The following SLC38A4 variants were observed in gnomAD, a reference collection of about 807,000 sequenced individuals.
SLC38A4 encodes the protein sodium-coupled neutral amino acid transporter 4.
Under a neutral mutation model 63.1 loss-of-function variants are expected in SLC38A4, and 20 were observed. That is an observed-to-expected ratio of 0.32 (90% CI 0.22 to 0.46). The LOEUF (loss-of-function observed/expected upper bound fraction) is 0.46. SLC38A4 is among the 20% of genes least tolerant of loss of function. The pLI is 1.00. For missense variants in SLC38A4, 526 were observed against 663.6 expected, an observed-to-expected ratio of 0.79 and a Z score of 2.28; for synonymous variants, 230 against 225.5, an observed-to-expected ratio of 1.02 and a Z score of -0.18.
intron 1 of SLC38A4, among the ~76,000 whole-genome samples, chr12:46,831,829 C>G (rs1437702663): frequency 2.0e-5 from 3 of 148,908 alleles, no homozygotes; most frequent in Admixed American, 2.0e-4. Context: ...GGAGCCAGCT[C>G]CCGCGGGGGA....
intron 3 of SLC38A4, among the ~76,000 whole-genome samples, chr12:46,791,672 C>T (rs1337561577): frequency 6.6e-6 from 1 of 152,180 alleles, no homozygotes; most frequent in African/African-American, 2.4e-5. Context: ...ATTGTGCACT[C>T]ACTATGCACC....
intron 1 of SLC38A4, among the ~76,000 whole-genome samples, chr12:46,819,852 C>A (rs1261911720): frequency 6.6e-6 from 1 of 151,854 alleles, no homozygotes; most frequent in Non-Finnish European, 1.5e-5. Flanking sequence ...AAAGAAGATA[C>A]TACAAATTCT....
At chr12:46,827,725 A>T (rs191450735), upstream of SLC38A4, among the ~76,000 whole-genome samples, 328 of 152,272 alleles carry the variant, frequency 2.2e-3, 1 homozygote, top group Non-Finnish European at 3.4e-3. Flanking sequence ...TGTAAATTTT[A>T]TCTATGCTAA....
At chr12:46,800,362 A>G (rs74086115) in intron 2 of SLC38A4, among the ~76,000 whole-genome samples, 1,555 of 152,176 alleles carry the variant, frequency 0.01, 24 homozygotes, top group African/African-American at 0.035. Context: ...AGGTCTATAT[A>G]CTTTGACCCA....
At chr12:46,794,020 T>C (rs1271340855) in intron 2 of SLC38A4, among the ~76,000 whole-genome samples, 1 of 152,162 alleles carries the variant, frequency 6.6e-6, no homozygotes, top group East Asian at 1.9e-4. Context: ...TCTGAAATTC[T>C]TACCATTAGA....
chr12:46,779,951 A>C lies in SLC38A4; in HGVS notation c.573T>G (p.Thr191=). 1 of 1,611,864 alleles carries C rather than the reference A, an allele frequency of 6.2e-7. No homozygotes were observed. The highest frequency in any genetic ancestry group is 1.1e-5 in the South Asian group (1 of 91,030). ...IRAFMGLEEN[T]GEWYLNGNYL... ...CACAGAGGGAGCATAAGACATACCCAGTATTTTCTTCAAGTCCCATGAATG... is the reference window on the plus strand; with the variant it reads ...CACAGAGGGAGCATAAGACATACCCCGTATTTTCTTCAAGTCCCATGAATG... Residue 191 remains threonine (T), a splice_region_variant and synonymous_variant, in exon 8 of 17, where the codon ACT becomes ACG. Transcript: ENST00000266579.
At chr12:46,815,129 G>T (rs1483401495) in intron 1 of SLC38A4, among the ~76,000 whole-genome samples, 2 of 151,094 alleles carry the variant, frequency 1.3e-5, no homozygotes, top group African/African-American at 4.9e-5. Context: ...CTATGTTATG[G>T]TTGCTAAAAT....
intron 14 of SLC38A4, among the ~76,000 whole-genome samples, chr12:46,770,527 GA>G (rs1273735620): frequency 2.6e-5 from 4 of 151,916 alleles, no homozygotes; most frequent in African/African-American, 9.7e-5. Flanking sequence ...TTCCCTTCAG[GA>G]TCCTTGACAG....
At position 46,808,073 on chromosome 12, in the gene SLC38A4, A is replaced by C. The variant is rs1939270805; in HGVS notation, c.-304-4279T>G. ...GTTTTAATCCAAAATGGGATTACTA[A>C]AATGTAGTGCATTTTAAACATTTCT... is the stretch of plus-strand genomic sequence containing the variant. On this transcript the variant is annotated intron_variant, in intron 1 of 16. Transcript: ENST00000266579. Among the ~76,000 whole-genome samples the C allele has an allele frequency of 1.3e-5, 2 of 152,008 alleles. 1 individual carries two copies.
intron 14 of SLC38A4, among the ~76,000 whole-genome samples, chr12:46,770,657 A>G (rs2120741740): frequency 6.6e-6 from 1 of 152,178 alleles, no homozygotes; most frequent in South Asian, 2.1e-4. Flanking sequence ...GGGCAGAGGG[A>G]GGGAGTGACA....
chr12:46,808,173 A>C (rs1161473129), intron 1 of SLC38A4, among the ~76,000 whole-genome samples: 3 of 152,000 alleles, frequency 2.0e-5, no homozygotes. Context: ...TGATACCTTC[A>C]AAAAATCTAA....
At chr12:46,788,967 C>T (rs1043979855) in intron 3 of SLC38A4, among the ~76,000 whole-genome samples, 9 of 152,142 alleles carry the variant, frequency 5.9e-5, no homozygotes, top group African/African-American at 1.2e-4. Flanking sequence ...AGGGTTATGA[C>T]AGAATTTTCT....
intron 2 of SLC38A4, among the ~76,000 whole-genome samples, chr12:46,795,482 A>G (rs1343870555): frequency 1.3e-5 from 2 of 152,210 alleles, no homozygotes; most frequent in South Asian, 2.1e-4. Flanking sequence ...CAAATTTTCT[A>G]TGCTCTTTCT....
chr12:46,791,334 TA>T (rs1174020893), intron 3 of SLC38A4, among the ~76,000 whole-genome samples: 2 of 152,168 alleles, frequency 1.3e-5, no homozygotes, highest in Admixed American at 1.3e-4. Context: ...GTCAGGCAAC[TA>T]CTCTGCAGAC....
chr12:46,807,964 T>C (rs1337403365), intron 1 of SLC38A4, among the ~76,000 whole-genome samples: 1 of 151,230 alleles, frequency 6.6e-6, no homozygotes, highest in Non-Finnish European at 1.5e-5. Context: ...TAATTTGCTT[T>C]GGCAAAGCCT....
intron 1 of SLC38A4, among the ~76,000 whole-genome samples, chr12:46,810,694 C>T (rs964474332): frequency 4.0e-5 from 6 of 151,406 alleles, no homozygotes; most frequent in Admixed American, 6.6e-5. Flanking sequence ...TTATATTTGC[C>T]GGCTAACCTT....
intron 14 of SLC38A4, among the ~76,000 whole-genome samples, chr12:46,774,328 T>G (rs939108709): frequency 1.3e-5 from 2 of 152,000 alleles, no homozygotes; most frequent in African/African-American, 4.8e-5. Context: ...AATTCAGTGT[T>G]TATGAAACAG....
At chr12:46,798,701 A>G (rs911927196) in intron 2 of SLC38A4, among the ~76,000 whole-genome samples, 2 of 152,172 alleles carry the variant, frequency 1.3e-5, no homozygotes, top group Non-Finnish European at 2.9e-5. Flanking sequence ...GAAAAGATAT[A>G]TCAAACACTC....
At chr12:46,788,642 A>G in intron 3 of SLC38A4, 24 bp from the exon 4 acceptor site, 5 of 1,565,318 alleles carry the variant, frequency 3.2e-6, no homozygotes, top group Non-Finnish European at 4.4e-6. Context: ...CACACAAATA[A>G]GAAAGTGAAA....
Sources: allele counts gnomAD v4.1 joint callset (sites outside exome capture counted in the v4.1 genomes callset), GRCh38; gene constraint gnomAD v4.1.1; transcripts MANE v1.5; gene names NCBI Gene and HGNC (gene_info 2026-07-23, HGNC 2026-07-21).